Variants in SEL1L2 observed in about 807,000 individuals in gnomAD.
The protein encoded by SEL1L2 is protein sel-1 homolog 2.
A neutral mutation model predicts 98.8 loss-of-function variants in SEL1L2; 89 were observed. The ratio of observed to expected loss-of-function variants is 0.90; its 90% CI spans 0.76 to 1.07. The LOEUF (loss-of-function observed/expected upper bound fraction) is 1.07. SEL1L2 is among the 50% of genes least tolerant of loss of function. The pLI is 0.00. For synonymous variants in SEL1L2, 262 were observed against 278.5 expected, an observed-to-expected ratio of 0.94 and a Z score of 0.59; for missense variants, 788 against 812.0, an observed-to-expected ratio of 0.97 and a Z score of 0.36.
intron 2 of SEL1L2, among the ~76,000 whole-genome samples, chr20:13,947,022 A>G (rs1054751484): frequency 6.6e-6 from 1 of 152,122 alleles, no homozygotes; most frequent in East Asian, 1.9e-4. Context: ...ACCATGGATG[A>G]CATGTAGATG....
intron 3 of SEL1L2, among the ~76,000 whole-genome samples, chr20:13,931,324 C>G (rs999063817): frequency 6.6e-6 from 1 of 152,076 alleles, no homozygotes; most frequent in Non-Finnish European, 1.5e-5. Context: ...GCCACCGCGC[C>G]TGGCCTGACA....
intron 1 of SEL1L2, among the ~76,000 whole-genome samples, chr20:13,988,009 C>A (rs1300020514): frequency 6.6e-6 from 1 of 151,870 alleles, no homozygotes; most frequent in Non-Finnish European, 1.5e-5. Context: ...TCCTTTTTTG[C>A]TTGTGCTTTT....
At chr20:13,894,268 A>G (rs1380588211) in intron 5 of SEL1L2, among the ~76,000 whole-genome samples, 1 of 152,210 alleles carries the variant, frequency 6.6e-6, no homozygotes, top group Non-Finnish European at 1.5e-5. Flanking sequence ...AAAAATATCA[A>G]CAAAAGTCTG....
At chr20:13,880,105 A>G (rs2046625645) in intron 10 of SEL1L2, among the ~76,000 whole-genome samples, 1 of 152,258 alleles carries the variant, frequency 6.6e-6, no homozygotes. Flanking sequence ...AAATGAATAA[A>G]TGTATGAATG....
rs772469384 is a variant in SEL1L2, at chr20:13,914,408, G to T, written c.387-464C>A. ...AACCTCTAGGAAGTTACTATCAGAAGAATGATGATCCCTTCATATCTTAAT... is the reference window on the plus strand; with the variant it reads ...AACCTCTAGGAAGTTACTATCAGAATAATGATGATCCCTTCATATCTTAAT... On this transcript the variant is annotated intron_variant, in intron 4 of 19. Transcript: ENST00000284951. Among the ~76,000 whole-genome samples, 16 of 152,276 alleles carry T rather than the reference G, an allele frequency of 1.1e-4. No homozygotes were observed. In the Middle Eastern group the frequency reaches 0.01, roughly 97 times the overall value.
At position 13,888,942 on chromosome 20, in the gene SEL1L2, G is replaced by A. The variant is rs566882465; in HGVS notation, c.550-430C>T. 1.1e-4 allele frequency among the ~76,000 whole-genome samples: 16 copies of A among 149,808 alleles called. No homozygotes were observed. In the East Asian group the frequency reaches 2.6e-3, roughly 24 times the overall value. On this transcript the variant is annotated intron_variant, in intron 5 of 19. Coordinates refer to ENST00000284951, the MANE Select transcript of SEL1L2 (RefSeq NM_025229.2). ...ATTACAGGCGTGAGCCACTGCTCCC[G>A]GCCTCTTTCTTTTCTTTTCTTTTTT...
intron 12 of SEL1L2, among the ~76,000 whole-genome samples, chr20:13,874,961 T>A (rs1406408735): frequency 2.0e-5 from 3 of 152,162 alleles, no homozygotes; most frequent in South Asian, 4.1e-4. Context: ...GGGCATTTTT[T>A]ATGCATGAAA....
At chr20:13,981,531 A>G (rs1464754979) in intron 1 of SEL1L2, among the ~76,000 whole-genome samples, 1 of 152,258 alleles carries the variant, frequency 6.6e-6, no homozygotes, top group Non-Finnish European at 1.5e-5. Flanking sequence ...CAACATATAC[A>G]TATATCAAAA....
intron 1 of SEL1L2, among the ~76,000 whole-genome samples, chr20:13,984,669 T>C (rs1351040804): frequency 6.6e-6 from 1 of 152,030 alleles, no homozygotes; most frequent in African/African-American, 2.4e-5. Flanking sequence ...TCTCTCTCTC[T>C]TCCTCCCTCC....
intron 1 of SEL1L2, among the ~76,000 whole-genome samples, chr20:13,961,192 T>C (rs571765507): frequency 9.2e-5 from 14 of 152,350 alleles, no homozygotes; most frequent in African/African-American, 3.4e-4. Flanking sequence ...CTCTTCTTTC[T>C]ACACCATTGC....
intron 1 of SEL1L2, among the ~76,000 whole-genome samples, chr20:13,961,603 C>A (rs2148469354): frequency 6.6e-6 from 1 of 152,298 alleles, no homozygotes; most frequent in Admixed American, 6.5e-5. Context: ...TGAGAAGAGG[C>A]CTCTGGGCCT....
chr20:13,852,382 C>T (rs1312584956), intron 18 of SEL1L2, among the ~76,000 whole-genome samples: 10 of 152,044 alleles, frequency 6.6e-5, no homozygotes, highest in Admixed American at 6.6e-4. Context: ...CTTTAAAATT[C>T]CCAGAGAAGG....
At chr20:13,986,883 A>G (rs1328336825) in intron 1 of SEL1L2, among the ~76,000 whole-genome samples, 1 of 152,204 alleles carries the variant, frequency 6.6e-6, no homozygotes, top group Non-Finnish European at 1.5e-5. Flanking sequence ...CCCAGGCTGG[A>G]GCGCAGTGGC....
Position 13,865,202 on chromosome 20 carries a change from A to G in SEL1L2, c.1610T>C (p.Met537Thr), listed in dbSNP as rs749089244. Residue 537 changes from methionine to threonine, a missense_variant, in exon 17 of 20, where the codon ATG becomes ACG. Coordinates refer to ENST00000284951, the MANE Select transcript of SEL1L2 (RefSeq NM_025229.2). ...NILEKEKMYP[M>T]ALLLWNRAAI... Reference sequence around the variant, plus strand: ...AGCTCGATTCCATAGGAGAAGCGCCATTGGATACATCTTCTCTTTTTCAAG... The same window carrying G: ...AGCTCGATTCCATAGGAGAAGCGCCGTTGGATACATCTTCTCTTTTTCAAG... 6.2e-7 allele frequency: 1 copy of G among 1,613,820 alleles called. No individual in the cohort carries two copies. Among genetic ancestry groups the G allele is most frequent in the South Asian group, 1.1e-5 (1 of 91,068 alleles).
intron 2 of SEL1L2, among the ~76,000 whole-genome samples, chr20:13,945,075 A>G (rs1303068959): frequency 6.6e-6 from 1 of 152,214 alleles, no homozygotes; most frequent in East Asian, 1.9e-4. Context: ...ACATTTCATC[A>G]GGGTTAAGGT....
intron 1 of SEL1L2, among the ~76,000 whole-genome samples, chr20:13,980,668 G>A (rs749173906): frequency 6.6e-6 from 1 of 152,110 alleles, no homozygotes; most frequent in African/African-American, 2.4e-5. Context: ...TCAGTATGTC[G>A]AAAAGATGTC....
At chr20:13,968,557 T>G (rs142281024) in intron 1 of SEL1L2, among the ~76,000 whole-genome samples, 132 of 152,360 alleles carry the variant, frequency 8.7e-4, no homozygotes, top group African/African-American at 3.1e-3. Flanking sequence ...TCTCTGTACC[T>G]GTGGCCTTTT....
At chr20:13,888,023 A>G (rs767714716) in intron 6 of SEL1L2, 22 bp from the exon 7 acceptor site, 4 of 1,605,598 alleles carry the variant, frequency 2.5e-6, no homozygotes, top group Non-Finnish European at 3.4e-6. Flanking sequence ...ACAAACAAAC[A>G]AAAAACCCCC....
rs756260444 is a variant in SEL1L2, at chr20:13,888,029, C to A, written c.604-28G>T. ...AAAGTAAAAACAAACAAACAAAAAA[C>A]CCCCCAAACCAGGTTGGCCATTTAA... On this transcript the variant is annotated intron_variant, in intron 6 of 19. Coordinates refer to ENST00000284951, the MANE Select transcript of SEL1L2 (RefSeq NM_025229.2). 3.1e-6 allele frequency: 5 copies of A among 1,591,720 alleles called. No homozygotes were observed. In the South Asian group the frequency reaches 4.6e-5, roughly 14 times the overall value.
Sources: gnomAD v4.1 joint callset for allele counts (sites outside exome capture counted in the v4.1 genomes callset) on GRCh38, gnomAD v4.1.1 for gene constraint, MANE v1.5 for transcripts, NCBI Gene and HGNC (gene_info 2026-07-23, HGNC 2026-07-21) for gene names.